The following PGBD1 variants were observed in gnomAD, a reference collection of about 807,000 sequenced individuals.
PGBD1 encodes the protein piggyBac transposable element derived 1.
PGBD1 carries 25 observed loss-of-function variants against 34.7 expected under a neutral mutation model. The ratio of observed to expected loss-of-function variants is 0.72; its 90% confidence interval spans 0.52 to 1.00. The LOEUF is 1.00. Ranked by LOEUF, PGBD1 falls within the 50% of genes least tolerant of loss-of-function variation. The pLI is 0.00. For missense variants in PGBD1, 830 were observed against 959.4 expected, an observed-to-expected ratio of 0.87 and a Z score of 1.78; for synonymous variants, 292 against 335.7, an observed-to-expected ratio of 0.87 and a Z score of 1.42.
Position 28,281,604 on chromosome 6 carries a change from G to A in PGBD1, c.-353G>A, listed in dbSNP as rs573519934. 267 of 384,324 alleles carry A rather than the reference G, an allele frequency of 6.9e-4. No individual in the cohort carries two copies. The highest frequency in any genetic ancestry group is 4.6e-3 in the African/African-American group (222 of 48,270). The allele number at this position is 384,324 out of a possible 1,614,324, so 23.8% of individuals were successfully genotyped here. A position where few individuals can be genotyped will look rare whatever the true frequency, so the allele number is the denominator to read the frequency against. On this transcript the variant is annotated 5_prime_UTR_variant, in exon 1 of 7. Transcript: ENST00000682144. ...CCCAGCTGCTGGAGGCGCCGGCAGC[G>A]CCCGCCAGACCCGCCAGCCCAGCGG...
intron 2 of PGBD1, 146 bp from the exon 3 acceptor site, chr6:28,285,402 TTTG>T (rs2113742633): frequency 4.2e-6 from 3 of 710,504 alleles, no homozygotes; most frequent in South Asian, 2.5e-5. Context: ...CATCCACTTG[TTTG>T]TTGTTTTTGT....
At chr6:28,292,207 G>T (rs764103229) in intron 4 of PGBD1, among the ~76,000 whole-genome samples, 11 of 152,110 alleles carry the variant, frequency 7.2e-5, no homozygotes, top group Non-Finnish European at 1.6e-4. Flanking sequence ...AAAACTGTTA[G>T]TGCTGATAAA....
rs1328568689 is a variant in PGBD1 at position 28,281,658 on chromosome 6, G to A, written c.-299G>A. 8.3e-6 allele frequency: 3 copies of A among 361,960 alleles called. No individual in the cohort carries two copies. Among genetic ancestry groups the A allele is most frequent in the African/African-American group, 2.2e-5 (1 of 45,556 alleles). 22.4% of individuals were successfully genotyped at this position (361,960 alleles called of 1,614,324 possible). On this transcript the variant is annotated 5_prime_UTR_variant, in exon 1 of 7. Transcript: ENST00000682144. ...GGGCTCTGGGGAAACCGGCGCTCCC[G>A]ACAGGGGAGCACCGGGCCTCTGAGC...
rs544704822 is a variant in PGBD1, at chr6:28,298,180, A to G, written c.869+189A>G. The stretch of plus-strand genomic sequence containing the variant: ...TCAAAATTTTCAATATGCAATAAAT[A>G]TACAAAACCTTCAGTTGATACTCAG... On this transcript the variant is annotated intron_variant, in intron 6 of 6. Transcript: ENST00000682144. Among the ~76,000 whole-genome samples the G allele has an allele frequency of 3.6e-4, 55 of 152,308 alleles. 1 individual carries two copies. The South Asian group carries it at 9.9e-3, about 28-fold the overall frequency.
In PGBD1 at chr6:28,301,406, A is replaced by C. The variant is rs752627786; in HGVS notation, c.1552A>C (p.Lys518Gln). ...TAATGGCCACCTAGATCAAAAAGAT[A>C]AGTTTACAAAGTTGAGACCTCTCAT... ...ADNGHLDQKD[K>Q]FTKLRPLIKQ... The change falls in exon 7 of 7, where the codon AAG (lysine) becomes CAG (glutamine). Residue 518 changes from lysine (K) to glutamine (Q), a missense_variant. Physicochemically the swap from Lys to Gln is moderately conservative, Grantham distance 53 (BLOSUM62 1). Around this residue, in one of 3 missense-constraint regions of PGBD1, gnomAD observed 372 missense variants for 427.9 expected, o/e 0.87. Transcript: ENST00000682144. 1.9e-6 allele frequency: 3 copies of C among 1,613,946 alleles called. No homozygotes were observed. The Admixed American group carries it at 5.0e-5, about 27-fold the overall frequency.
chr6:28,287,438 G>C (rs1395221234), intron 4 of PGBD1, among the ~76,000 whole-genome samples: 3 of 152,144 alleles, frequency 2.0e-5, no homozygotes, highest in Non-Finnish European at 4.4e-5. Context: ...TGAGGCTCCT[G>C]GTTTCAGAAA....
intron 2 of PGBD1, among the ~76,000 whole-genome samples, chr6:28,284,568 C>T (rs965893979): frequency 6.6e-5 from 10 of 152,074 alleles, no homozygotes; most frequent in Admixed American, 3.9e-4. Context: ...TGCAGTGGTA[C>T]GATCATAGCA....
intron 4 of PGBD1, among the ~76,000 whole-genome samples, chr6:28,290,920 CAT>C (rs1762428484): frequency 6.6e-6 from 1 of 151,760 alleles, no homozygotes; most frequent in South Asian, 2.1e-4. Flanking sequence ...GAAAATGTGA[CAT>C]ATCAAAATTT....
chr6:28,297,248 C>A (rs935472288), intron 5 of PGBD1, among the ~76,000 whole-genome samples: 2 of 152,146 alleles, frequency 1.3e-5, no homozygotes, highest in Non-Finnish European at 2.9e-5. Context: ...GTCAAGGATT[C>A]CATATAACTT....
intron 6 of PGBD1, among the ~76,000 whole-genome samples, chr6:28,299,214 T>C (rs560358399): frequency 5.9e-5 from 9 of 152,084 alleles, no homozygotes; most frequent in Non-Finnish European, 1.3e-4. Flanking sequence ...TAATTCATAG[T>C]GCCTATAATA....
At chr6:28,289,654 C>T (rs1031205087) in intron 4 of PGBD1, among the ~76,000 whole-genome samples, 1 of 152,164 alleles carries the variant, frequency 6.6e-6, no homozygotes, top group African/African-American at 2.4e-5. Flanking sequence ...AAACCCAGTT[C>T]TTTGGGAGGC....
At position 28,301,535 on chromosome 6, in the gene PGBD1, G is replaced by A; in HGVS notation, c.1681G>A (p.Gly561Arg). Residue 561 changes from glycine (G) to arginine (R), a missense_variant, in exon 7 of 7, where the codon GGA becomes AGA. Gly to Arg is a moderately radical substitution (Grantham distance 125). Coordinates refer to ENST00000682144, the MANE Select transcript of PGBD1 (RefSeq NM_032507.4). ...CTTTGATAGTGACCAATTCCTGAATGGAAAGCCTATTAGAATTGGCTATAA... is the reference window on the plus strand; with the variant it reads ...CTTTGATAGTGACCAATTCCTGAATAGAAAGCCTATTAGAATTGGCTATAA... ...ECFDSDQFLN[G>R]KPIRIGYKIW... is the part of the protein sequence containing the mutation. The A allele has an allele frequency of 6.2e-7, 1 of 1,614,130 alleles. No homozygotes were observed. The highest frequency in any genetic ancestry group is 8.5e-7 in the Non-Finnish European group (1 of 1,180,016).
chr6:28,292,585 A>G (rs1016489849), intron 4 of PGBD1, among the ~76,000 whole-genome samples: 23 of 152,202 alleles, frequency 1.5e-4, no homozygotes, highest in Admixed American at 1.4e-3. Flanking sequence ...GGAAGAATTT[A>G]TATTATTAAA....
At chr6:28,289,347 A>G (rs1419775175) in intron 4 of PGBD1, among the ~76,000 whole-genome samples, 1 of 152,240 alleles carries the variant, frequency 6.6e-6, no homozygotes, top group African/African-American at 2.4e-5. Context: ...CAGCAGAATT[A>G]TCTTTCATAT....
intron 4 of PGBD1, 75 bp downstream of exon 4, chr6:28,287,243 C>T: frequency 2.3e-6 from 3 of 1,297,100 alleles, no homozygotes; most frequent in Non-Finnish European, 3.4e-6. Context: ...TTGCCCTTCT[C>T]TTGGCTCACA....
At chr6:28,283,533 T>C (rs1156736361) in intron 1 of PGBD1, among the ~76,000 whole-genome samples, 1 of 152,242 alleles carries the variant, frequency 6.6e-6, no homozygotes, top group Non-Finnish European at 1.5e-5. Flanking sequence ...TCGAGCTTTC[T>C]TATTGCTAAC....
At position 28,283,994 on chromosome 6, in the gene PGBD1, G is replaced by T. The variant is rs757607983; in HGVS notation, c.181G>T (p.Ala61Ser). ...CCAGGAGGCTCACGGACCCCAGGAA[G>T]CTCTGGCCCAACTCCGAGAACTTTG... ...CYQEAHGPQE[A>S]LAQLRELCHQ... is the part of the protein sequence containing the mutation. The change falls in exon 2 of 7, where the codon GCT (alanine) becomes TCT (serine). Residue 61 changes from alanine (A) to serine (S), a missense_variant. Physicochemically the swap from Ala to Ser is moderately conservative, Grantham distance 99. Coordinates refer to ENST00000682144, the MANE Select transcript of PGBD1 (RefSeq NM_032507.4). The T allele has an allele frequency of 1.9e-6, 3 of 1,614,202 alleles. No homozygotes were observed. The highest frequency in any genetic ancestry group is 1.7e-5 in the Admixed American group (1 of 60,018).
Position 28,284,156 on chromosome 6 carries a change from G to C in PGBD1, c.343G>C (p.Ala115Pro), listed in dbSNP as rs1449702888. 6.3e-7 allele frequency: 1 copy of C among 1,599,622 alleles called. No individual in the cohort carries two copies. Among genetic ancestry groups the C allele is most frequent in the African/African-American group, 1.3e-5 (1 of 74,484 alleles). ...ATATCCTCTGGAGAGTGGAGAGGAG[G>C]CAGTGACAGTGCTGGAGAATCTAGA... The part of the protein sequence containing the change: ...KTYPLESGEE[A>P]VTVLENLETG... The change falls in exon 2 of 7, where the codon GCA becomes CCA. Residue 115 changes from alanine to proline, a missense_variant. By Grantham distance (27) the Ala-to-Pro change is conservative. This residue lies in a region of PGBD1 where 457 missense variants were observed against 515.4 expected (regional missense o/e 0.89). Coordinates refer to ENST00000682144, the MANE Select transcript of PGBD1 (RefSeq NM_032507.4).
rs115704058 is a variant in PGBD1, at chr6:28,283,982, G to A, written c.169G>A (p.Gly57Arg). The stretch of plus-strand genomic sequence containing the variant: ...GCACTTCTGCTACCAGGAGGCTCAC[G>A]GACCCCAGGAAGCTCTGGCCCAACT... ...FRHFCYQEAH[G>R]PQEALAQLRE... is the part of the protein sequence containing the mutation. The change falls in exon 2 of 7, where the codon GGA (glycine) becomes AGA (arginine). Residue 57 changes from glycine to arginine, a missense_variant. By Grantham distance (125) the Gly-to-Arg change is moderately radical. Around this residue, in one of 3 missense-constraint regions of PGBD1, gnomAD observed 457 missense variants for 515.4 expected, o/e 0.89. Coordinates refer to ENST00000682144, the MANE Select transcript of PGBD1 (RefSeq NM_032507.4). The A allele has an allele frequency of 6.7e-5, 108 of 1,614,146 alleles. No individual in the cohort carries two copies. The East Asian group carries it at 2.2e-3, about 33-fold the overall frequency.
Sources: gnomAD v4.1 joint callset for allele counts (sites outside exome capture counted in the v4.1 genomes callset) on GRCh38, gnomAD v4.1.1 for gene constraint, gnomAD v4.1.1 regional missense constraint, MANE v1.5 for transcripts, NCBI Gene and HGNC (gene_info 2026-07-23, HGNC 2026-07-21) for gene names.